The following MRE11 variants were observed in gnomAD, a reference collection of about 807,000 sequenced individuals.
MRE11 encodes the protein MRE11 double strand break repair nuclease.
MRE11 carries 62 observed loss-of-function variants against 91.7 expected under a neutral mutation model. The observed-to-expected ratio is 0.68, with a 90% CI of 0.55 to 0.84. The LOEUF is 0.84. Among genes scored for constraint, MRE11 ranks in the 40% least tolerant of loss-of-function variants. The pLI is 0.00. For missense variants in MRE11, 796 were observed against 852.9 expected (o/e 0.93, Z 0.83); for synonymous variants, 273 against 271.4 (o/e 1.01, Z -0.06).
intron 10 of MRE11, 32 bp downstream of exon 10, chr11:94,467,780 TA>T (rs775751136): frequency 1.2e-5 from 19 of 1,532,992 alleles, no homozygotes; most frequent in Non-Finnish European, 1.7e-5. Flanking sequence ...CTTTGAAAAT[TA>T]ATAATATTCA....
Position 94,487,915 on chromosome 11 carries a change from G to C in MRE11, c.154-1831C>G, listed in dbSNP as rs549433702. Among the ~76,000 whole-genome samples, 5 of 152,316 alleles carry C rather than the reference G, an allele frequency of 3.3e-5. No individual in the cohort carries two copies. In the South Asian group the frequency reaches 1.0e-3, roughly 32 times the overall value. On this transcript the variant is annotated intron_variant, in intron 3 of 19. Coordinates refer to ENST00000323929, the MANE Select transcript of MRE11 (RefSeq NM_005591.4). ...AAACTAGGGAACAGAACTAAGACTG[G>C]TTAGTGGGCATGGGCCCACATAATA...
Position 94,461,029 on chromosome 11 carries a change from C to T in MRE11, c.1233G>A (p.Glu411=), listed in dbSNP as rs748756180. ...TTGTGATAAGTTTCCCAAAGTTGAT[C>T]TCTTCTCCTAGAAAAAAAGAAGTAT... is the stretch of plus-strand genomic sequence containing the variant. ...HREQKEKTGE[E]INFGKLITKP... is the part of the protein sequence containing the mutation. Residue 411 remains glutamate, a synonymous_variant, in exon 12 of 20, where the codon GAG becomes GAA. Coordinates refer to ENST00000323929, the MANE Select transcript of MRE11 (RefSeq NM_005591.4). The T allele has an allele frequency of 9.9e-6, 16 of 1,612,072 alleles. No homozygotes were observed. The highest frequency in any genetic ancestry group is 1.7e-4 in the Middle Eastern group (1 of 5,986).
At chr11:94,430,122 G>A (rs978590785) in intron 18 of MRE11, 136 bp from the exon 19 acceptor site, 57 of 890,522 alleles carry the variant, frequency 6.4e-5, no homozygotes, top group South Asian at 5.7e-4. Context: ...CTACATTAGC[G>A]GCAATAAAAC....
chr11:94,499,075 C>G, the MRE11 span: 4 of 154,828 alleles, frequency 2.6e-5, no homozygotes, highest in African/African-American at 9.7e-5. Flanking sequence ...AAACCTAGAT[C>G]TTTGTCTTTT....
At chr11:94,437,592 G>C (rs1945655137) in intron 16 of MRE11, among the ~76,000 whole-genome samples, 1 of 152,130 alleles carries the variant, frequency 6.6e-6, no homozygotes, top group Non-Finnish European at 1.5e-5. Context: ...CTTTGTTGTT[G>C]ACGATACCTT....
chr11:94,446,411 T>C (rs1157104517), intron 15 of MRE11, among the ~76,000 whole-genome samples: 1 of 152,028 alleles, frequency 6.6e-6, no homozygotes, highest in East Asian at 1.9e-4. Context: ...AGACTCCATC[T>C]CAAGAAAAAT....
chr11:94,430,938 C>T (rs181139521), intron 18 of MRE11, among the ~76,000 whole-genome samples: 5 of 152,204 alleles, frequency 3.3e-5, no homozygotes. Flanking sequence ...GAAATGGTTA[C>T]ATTTTAAATG....
chr11:94,487,815 C>T (rs750931610), intron 3 of MRE11, among the ~76,000 whole-genome samples: 4 of 152,122 alleles, frequency 2.6e-5, no homozygotes, highest in South Asian at 2.1e-4. Context: ...GAATTCTATG[C>T]GCTATTCTTG....
intron 2 of MRE11, among the ~76,000 whole-genome samples, chr11:94,491,829 T>G (rs12290689): frequency 1.4e-3 from 215 of 152,316 alleles, no homozygotes; most frequent in African/African-American, 4.9e-3. Context: ...CACAAACGAT[T>G]TCTCTTCAAA....
intron 13 of MRE11, 123 bp downstream of exon 13, chr11:94,459,285 T>C: frequency 2.0e-6 from 2 of 1,011,170 alleles, no homozygotes; most frequent in South Asian, 1.4e-5. Flanking sequence ...ATTTCAATTT[T>C]ATAGATGAGA....
chr11:94,429,889 T>C (rs577936732), intron 19 of MRE11, 22 bp downstream of exon 19: 7 of 1,576,540 alleles, frequency 4.4e-6, no homozygotes, highest in Non-Finnish European at 6.0e-6. Context: ...TTAATTAAAA[T>C]TTAACAATAT....
chr11:94,471,064 C>A (rs1199624541), intron 8 of MRE11, among the ~76,000 whole-genome samples: 4 of 151,980 alleles, frequency 2.6e-5, no homozygotes, highest in Admixed American at 6.6e-5. Flanking sequence ...CTACCATATT[C>A]TTTAACCCTA....
intron 10 of MRE11, 118 bp downstream of exon 10, chr11:94,467,695 G>T: frequency 1.2e-6 from 1 of 849,128 alleles, no homozygotes; most frequent in Non-Finnish European, 1.9e-6. Context: ...CTCCGATGGT[G>T]ATTGCTCTTC....
intron 7 of MRE11, chr11:94,472,864 G>A (rs1183419876): frequency 6.6e-6 from 1 of 152,034 alleles, no homozygotes; most frequent in Non-Finnish European, 1.5e-5. Context: ...TCAGATAAGG[G>A]ATACTCAATC....
chr11:94,468,535 T>C (rs1946629397), intron 9 of MRE11, among the ~76,000 whole-genome samples: 1 of 152,228 alleles, frequency 6.6e-6, no homozygotes, highest in South Asian at 2.1e-4. Flanking sequence ...TGAACAATTC[T>C]AGTTCTTAGA....
At chr11:94,420,633 C>T (rs190802916) in intron 19 of MRE11, among the ~76,000 whole-genome samples, 1 of 152,298 alleles carries the variant, frequency 6.6e-6, no homozygotes. Context: ...CCATTTAATA[C>T]TAGAAATAGC....
chr11:94,480,369 A>G (rs573493247), intron 4 of MRE11, among the ~76,000 whole-genome samples: 2 of 152,262 alleles, frequency 1.3e-5, no homozygotes, highest in Admixed American at 6.5e-5. Flanking sequence ...AACATATTTT[A>G]GAAATCATTC....
intron 16 of MRE11, among the ~76,000 whole-genome samples, chr11:94,441,288 A>G (rs913237615): frequency 6.6e-6 from 1 of 152,348 alleles, no homozygotes; most frequent in South Asian, 2.1e-4. Flanking sequence ...CAAGTGACTG[A>G]ACCTGCATTT....
chr11:94,468,352 C>T (rs1014057188), intron 9 of MRE11, among the ~76,000 whole-genome samples: 1 of 152,134 alleles, frequency 6.6e-6, no homozygotes, highest in African/African-American at 2.4e-5. Flanking sequence ...GTCTCATACT[C>T]TGAGAGGATA....
Sources: gnomAD v4.1 joint callset for allele counts (sites outside exome capture counted in the v4.1 genomes callset) on GRCh38, gnomAD v4.1.1 for gene constraint, MANE v1.5 for transcripts, NCBI Gene and HGNC (gene_info 2026-07-23, HGNC 2026-07-21) for gene names.